TNNI3K: variants seen among roughly 807,000 people sequenced by gnomAD.
TNNI3K encodes serine/threonine-protein kinase TNNI3K.
In TNNI3K, 140 loss-of-function variants were observed where a neutral mutation model predicts 114.5. The ratio of observed to expected loss-of-function variants is 1.22; its 90% CI spans 1.07 to 1.41. The LOEUF is 1.41. Among genes scored for constraint, TNNI3K ranks in the 40% most tolerant of loss-of-function variants. TNNI3K has a pLI of 0.00. For missense variants in TNNI3K, 1,125 were observed against 1,007.6 expected (o/e 1.12, Z -1.58); for synonymous variants, 347 against 347.5 (o/e 1.00, Z 0.02).
At chr1:74,436,341 C>T in intron 18 of TNNI3K, 133 bp from the exon 19 acceptor site, 1 of 1,232,670 alleles carries the variant, frequency 8.1e-7, no homozygotes, top group Non-Finnish European at 1.1e-6. Context: ...TCTTTCTTAT[C>T]TCCAGCCAAG....
At chr1:74,303,975 A>T (rs1658476584) in intron 5 of TNNI3K, among the ~76,000 whole-genome samples, 1 of 152,222 alleles carries the variant, frequency 6.6e-6, no homozygotes, top group African/African-American at 2.4e-5. Flanking sequence ...TGAAGGTATG[A>T]TTGAATTGCC....
intron 23 of TNNI3K, among the ~76,000 whole-genome samples, chr1:74,510,977 T>C (rs1321713870): frequency 6.6e-6 from 1 of 152,162 alleles, no homozygotes; most frequent in African/African-American, 2.4e-5. Context: ...AACCTCTGCC[T>C]CCCAGGTTCA....
At chr1:74,437,147 C>G (rs1017671170) in intron 19 of TNNI3K, among the ~76,000 whole-genome samples, 3 of 151,952 alleles carry the variant, frequency 2.0e-5, no homozygotes, top group African/African-American at 7.2e-5. Context: ...CATTCTTTCC[C>G]TTTCCTGCTT....
At chr1:74,256,880 C>A (rs542356876) in intron 4 of TNNI3K, among the ~76,000 whole-genome samples, 1 of 151,928 alleles carries the variant, frequency 6.6e-6, no homozygotes, top group Non-Finnish European at 1.5e-5. Context: ...AGAAAATATG[C>A]TTTTCGGAAG....
intron 20 of TNNI3K, among the ~76,000 whole-genome samples, chr1:74,448,391 C>A (rs1303729393): frequency 1.4e-5 from 2 of 146,668 alleles, no homozygotes; most frequent in East Asian, 4.0e-4. Context: ...TCTAGATATA[C>A]AATCATGTCG....
intron 5 of TNNI3K, among the ~76,000 whole-genome samples, chr1:74,318,270 C>A (rs1324322325): frequency 2.0e-5 from 3 of 152,090 alleles, no homozygotes; most frequent in African/African-American, 7.2e-5. Flanking sequence ...TGAAGAAATC[C>A]CTAAGGAGCT....
intron 4 of TNNI3K, among the ~76,000 whole-genome samples, chr1:74,258,423 G>T (rs910210927): frequency 6.6e-6 from 1 of 152,140 alleles, no homozygotes; most frequent in Non-Finnish European, 1.5e-5. Flanking sequence ...GCAATCATGG[G>T]ATATTGTGTG....
intron 10 of TNNI3K, 86 bp downstream of exon 10, chr1:74,353,446 G>A: frequency 6.9e-7 from 1 of 1,447,530 alleles, no homozygotes; most frequent in South Asian, 1.3e-5. Context: ...GGGGGCATTG[G>A]GAGTGCTCAA....
intron 17 of TNNI3K, among the ~76,000 whole-genome samples, chr1:74,424,548 A>T (rs1167758952): frequency 6.6e-6 from 1 of 151,806 alleles, no homozygotes; most frequent in East Asian, 1.9e-4. Flanking sequence ...ATGAAACCCC[A>T]TCTCTAATAA....
chr1:74,366,333 T>G lies in TNNI3K; in HGVS notation c.1178-923T>G, dbSNP rs150780965. 5.1e-3 allele frequency among the ~76,000 whole-genome samples: 772 copies of G among 152,196 alleles called. 8 individuals are homozygous for G. The highest frequency in any genetic ancestry group is 0.018 in the African/African-American group (739 of 41,546). Reference sequence around the variant, plus strand: ...TATAGTGAACGCATTAAAATAGTATTGAAGTTTAATTTTATTGAAAAACAT... The same window carrying G: ...TATAGTGAACGCATTAAAATAGTATGGAAGTTTAATTTTATTGAAAAACAT... On this transcript the variant is annotated intron_variant, in intron 11 of 24. Coordinates refer to ENST00000326637, the MANE Select transcript of TNNI3K (RefSeq NM_015978.3).
At position 74,431,476 on chromosome 1, in the gene TNNI3K, C is replaced by T. The variant is rs572608625; in HGVS notation, c.1773-4604C>T. ...TTCATTCCCAATCAGACCACACTGT[C>T]TTTCTGAAGGCATACACTGCAATTT... On this transcript the variant is annotated intron_variant, in intron 17 of 24. Transcript: ENST00000326637. 3.9e-4 allele frequency among the ~76,000 whole-genome samples: 60 copies of T among 152,174 alleles called. 2 individuals are homozygous for T. Among genetic ancestry groups the T allele is most frequent in the African/African-American group, 1.3e-3 (55 of 41,536 alleles).
chr1:74,396,291 G>C (rs1664076022), intron 17 of TNNI3K, among the ~76,000 whole-genome samples: 1 of 152,124 alleles, frequency 6.6e-6, no homozygotes, highest in Non-Finnish European at 1.5e-5. Flanking sequence ...AAATGTAAGA[G>C]AGACATTGAG....
chr1:74,517,193 TA>T (rs148042128), intron 23 of TNNI3K, among the ~76,000 whole-genome samples: 10 of 151,376 alleles, frequency 6.6e-5, no homozygotes, highest in East Asian at 1.9e-4. Flanking sequence ...GGTAACTCTT[TA>T]AAAAAAAAGG....
chr1:74,502,489 G>A (rs756117776), intron 23 of TNNI3K, among the ~76,000 whole-genome samples: 1 of 152,156 alleles, frequency 6.6e-6, no homozygotes, highest in Admixed American at 6.5e-5. Flanking sequence ...GGGCCTGTCC[G>A]GTAGTGTTTT....
intron 5 of TNNI3K, among the ~76,000 whole-genome samples, chr1:74,279,891 T>C (rs1656898446): frequency 6.6e-6 from 1 of 152,026 alleles, no homozygotes; most frequent in South Asian, 2.1e-4. Flanking sequence ...ACACAATAAT[T>C]ATAACGTAAT....
intron 11 of TNNI3K, among the ~76,000 whole-genome samples, chr1:74,361,446 TA>T (rs1488639186): frequency 2.6e-5 from 4 of 152,122 alleles, no homozygotes; most frequent in African/African-American, 9.7e-5. Flanking sequence ...GCATTGAATA[TA>T]AAAGTAAATA....
chr1:74,272,314 A>G (rs1266507861), intron 5 of TNNI3K, among the ~76,000 whole-genome samples: 1 of 151,962 alleles, frequency 6.6e-6, no homozygotes, highest in Non-Finnish European at 1.5e-5. Context: ...ATATTACATA[A>G]TTTTAATTAG....
Position 74,353,271 on chromosome 1 carries a change from G to C in TNNI3K, c.938G>C (p.Cys313Ser). The change falls in exon 10 of 25, where the codon TGT (cysteine) becomes TCT (serine). Residue 313 changes from cysteine (C) to serine (S), a missense_variant. Cys to Ser is a moderately radical substitution (Grantham distance 112). Coordinates refer to ENST00000326637, the MANE Select transcript of TNNI3K (RefSeq NM_015978.3). The part of the protein sequence containing the change: ...IFSETAFHSA[C>S]TYGKSIDLVK... Reference sequence around the variant, plus strand: ...TTTATGGTTTTTTTTTTCAGTGCTTGTACCTATGGCAAGAGCATTGACCTA... The same window carrying C: ...TTTATGGTTTTTTTTTTCAGTGCTTCTACCTATGGCAAGAGCATTGACCTA... 6.2e-7 allele frequency: 1 copy of C among 1,611,462 alleles called. No homozygotes were observed. Among genetic ancestry groups the C allele is most frequent in the South Asian group, 1.1e-5 (1 of 90,738 alleles).
chr1:74,427,367 C>T (rs1665688857), intron 17 of TNNI3K, among the ~76,000 whole-genome samples: 1 of 146,016 alleles, frequency 6.8e-6, no homozygotes, highest in Admixed American at 6.9e-5. Context: ...ATTACCTTTT[C>T]ATACTTAAAT....
Sources: allele counts gnomAD v4.1 joint callset (sites outside exome capture counted in the v4.1 genomes callset), GRCh38; gene constraint gnomAD v4.1.1; transcripts MANE v1.5; gene names NCBI Gene and HGNC (gene_info 2026-07-23, HGNC 2026-07-21).